Variants in HERC6 observed in about 807,000 individuals in gnomAD.
HERC6 encodes the protein probable E3 ubiquitin-protein ligase HERC6.
In HERC6, 101 loss-of-function variants were observed where a neutral mutation model predicts 114.5. The observed-to-expected ratio is 0.88, with a 90% CI of 0.75 to 1.04. The LOEUF (loss-of-function observed/expected upper bound fraction) is 1.04, where lower values mean the gene tolerates loss of function less well. Among genes scored for constraint, HERC6 ranks in the 50% least tolerant of loss-of-function variants. HERC6 has a pLI of 0.00. For synonymous variants in HERC6, 408 were observed against 436.2 expected, an observed-to-expected ratio of 0.94 and a Z score of 0.81; for missense variants, 1,133 against 1,230.9, an observed-to-expected ratio of 0.92 and a Z score of 1.19.
chr4:88,389,530 T>C (rs982056570), intron 3 of HERC6, among the ~76,000 whole-genome samples: 6 of 151,934 alleles, frequency 3.9e-5, no homozygotes, highest in Non-Finnish European at 7.4e-5. Flanking sequence ...AGTTTTGAAT[T>C]TTCTGGGTCA....
chr4:88,428,151 C>A lies in HERC6; in HGVS notation c.1936-429C>A, dbSNP rs757442101. ...AAGTCTGTCTTCTGTCTTTTTCCTA[C>A]AGCTCACATTATCCCTGAGCTCTTA... On this transcript the variant is annotated intron_variant, in intron 15 of 22. Coordinates refer to ENST00000264346, the MANE Select transcript of HERC6 (RefSeq NM_017912.4). Among the ~76,000 whole-genome samples, 45 of 152,198 alleles carry A rather than the reference C, an allele frequency of 3.0e-4. 1 individual carries two copies. The highest frequency in any genetic ancestry group is 2.0e-4 in the Admixed American group (3 of 15,276).
intron 20 of HERC6, among the ~76,000 whole-genome samples, chr4:88,438,244 A>C (rs1445362593): frequency 6.6e-6 from 1 of 152,130 alleles, no homozygotes; most frequent in Non-Finnish European, 1.5e-5. Flanking sequence ...TCAGGGTTCA[A>C]TATTTCCTTT....
intron 20 of HERC6, among the ~76,000 whole-genome samples, chr4:88,438,290 T>C (rs1316723229): frequency 6.6e-6 from 1 of 152,188 alleles, no homozygotes; most frequent in Non-Finnish European, 1.5e-5. Flanking sequence ...TTAGCAAATA[T>C]TTTTGAGCCC....
chr4:88,390,741 A>T lies in HERC6; in HGVS notation c.526A>T (p.Arg176Trp), dbSNP rs745696393. Residue 176 changes from arginine (R) to tryptophan (W), a missense_variant, in exon 4 of 23, where the codon AGG (arginine) becomes TGG (tryptophan). By Grantham distance (101) the Arg-to-Trp change is moderately radical. Around this residue, in one of 3 missense-constraint regions of HERC6, gnomAD observed 735 missense variants for 754.0 expected, o/e 0.97. Transcript: ENST00000264346. Reference sequence around the variant, plus strand: ...CTCCCAAGCCAGCCCGCAGAGGGTGAGGTCCCTGGAGGGGATCCCACTGGC... The same window carrying T: ...CTCCCAAGCCAGCCCGCAGAGGGTGTGGTCCCTGGAGGGGATCCCACTGGC... ...FPSQASPQRV[R>W]SLEGIPLAQV... The T allele has an allele frequency of 4.3e-6, 7 of 1,614,116 alleles. No homozygotes were observed. Among genetic ancestry groups the T allele is most frequent in the Non-Finnish European group, 5.9e-6 (7 of 1,180,004 alleles).
chr4:88,382,736 C>A (rs1286419069), intron 1 of HERC6, among the ~76,000 whole-genome samples: 1 of 152,122 alleles, frequency 6.6e-6, no homozygotes, highest in African/African-American at 2.4e-5. Context: ...AAGGAGATGC[C>A]AGGGGGAACC....
intron 10 of HERC6, among the ~76,000 whole-genome samples, chr4:88,407,704 G>A (rs750060882): frequency 2.6e-5 from 4 of 152,172 alleles, no homozygotes; most frequent in South Asian, 4.1e-4. Flanking sequence ...ACCCACTGCC[G>A]CTGGCATACA....
chr4:88,438,534 G>A (rs183653829), intron 20 of HERC6, among the ~76,000 whole-genome samples: 33 of 152,146 alleles, frequency 2.2e-4, no homozygotes, highest in South Asian at 1.2e-3. Context: ...GTGAGCCACC[G>A]CACCTGGCCA....
At chr4:88,388,549 CAAAA>C (rs76168315) in intron 3 of HERC6, among the ~76,000 whole-genome samples, 11,896 of 92,434 alleles carry the variant, frequency 0.13, 994 homozygotes, top group African/African-American at 0.27. Context: ...AGACTCGTCT[CAAAA>C]AAAAAAAAAA....
At chr4:88,410,224 A>T (rs1242663651) in intron 11 of HERC6, among the ~76,000 whole-genome samples, 1 of 152,204 alleles carries the variant, frequency 6.6e-6, no homozygotes, top group East Asian at 1.9e-4. Flanking sequence ...ACATCAATCC[A>T]CATATATAAG....
rs1223697608 is a variant in HERC6 at position 88,390,885 on chromosome 4, G to A, written c.664+6G>A. ...CAGTGGGCGTAATGTCCCAGGTAAGGAGATAGTCTTGTTTGTGCAGTAAAT... is the reference window on the plus strand; with the variant it reads ...CAGTGGGCGTAATGTCCCAGGTAAGAAGATAGTCTTGTTTGTGCAGTAAAT... On this transcript the variant is annotated splice_donor_region_variant and intron_variant, in intron 4 of 22. Coordinates refer to ENST00000264346, the MANE Select transcript of HERC6 (RefSeq NM_017912.4). The A allele has an allele frequency of 1.9e-6, 3 of 1,605,238 alleles. No individual in the cohort carries two copies. The highest frequency in any genetic ancestry group is 4.5e-5 in the East Asian group (2 of 44,724).
chr4:88,395,970 C>T, intron 5 of HERC6, 45 bp from the exon 6 acceptor site: 1 of 1,528,758 alleles, frequency 6.5e-7, no homozygotes, highest in African/African-American at 1.4e-5. Flanking sequence ...CTTTTAGTTA[C>T]CTTGTTAAAC....
At chr4:88,383,710 G>T (rs561440383) in intron 2 of HERC6, among the ~76,000 whole-genome samples, 40 of 143,218 alleles carry the variant, frequency 2.8e-4, no homozygotes, top group African/African-American at 1.0e-3. Context: ...TTGCAGTGGT[G>T]CTGGGACAGC....
intron 13 of HERC6, among the ~76,000 whole-genome samples, chr4:88,421,242 G>A (rs989444215): frequency 5.3e-5 from 8 of 151,956 alleles, no homozygotes; most frequent in African/African-American, 1.7e-4. Flanking sequence ...GAATAATGCC[G>A]CTATTTAAAT....
At chr4:88,388,160 C>T (rs541359021) in intron 3 of HERC6, among the ~76,000 whole-genome samples, 3 of 151,984 alleles carry the variant, frequency 2.0e-5, no homozygotes, top group South Asian at 2.1e-4. Context: ...TGGCTGGGTG[C>T]GGTGGCTCAC....
At chr4:88,439,806 A>G (rs1168196223) in intron 20 of HERC6, 68 bp from the exon 21 acceptor site, 16 of 1,331,930 alleles carry the variant, frequency 1.2e-5, no homozygotes, top group Admixed American at 3.2e-5. Context: ...AGAACAAAGT[A>G]TAAAATCTTT....
chr4:88,433,426 T>G (rs1432305861), intron 17 of HERC6, among the ~76,000 whole-genome samples: 1 of 152,192 alleles, frequency 6.6e-6, no homozygotes, highest in African/African-American at 2.4e-5. Flanking sequence ...CTTGAAAAGG[T>G]GTCCTTTAGA....
chr4:88,431,913 A>T (rs1738257508), intron 17 of HERC6, among the ~76,000 whole-genome samples: 1 of 152,206 alleles, frequency 6.6e-6, no homozygotes, highest in Admixed American at 6.5e-5. Flanking sequence ...TATCTCTAGG[A>T]TTCTATCAGT....
rs747238138 is a variant in HERC6 at position 88,396,072 on chromosome 4, A to G, written c.817A>G (p.Thr273Ala). The G allele has an allele frequency of 3.7e-6, 6 of 1,608,758 alleles. No individual in the cohort carries two copies. The highest frequency in any genetic ancestry group is 1.7e-4 in the Middle Eastern group (1 of 6,048). Residue 273 changes from threonine to alanine, a missense_variant, in exon 6 of 23, where the codon ACT (threonine) becomes GCT (alanine). By Grantham distance (58) the Thr-to-Ala change is moderately conservative. Transcript: ENST00000264346. ...NRSGQLGYSP[T>A]PEKRGPQLVE... ...CTCTGGACAGCTGGGATACAGCCCCACTCCTGAGAAGAGAGGTCCACAACT... is the reference window on the plus strand; with the variant it reads ...CTCTGGACAGCTGGGATACAGCCCCGCTCCTGAGAAGAGAGGTCCACAACT...
intron 5 of HERC6, among the ~76,000 whole-genome samples, chr4:88,394,376 G>A (rs949209848): frequency 2.0e-5 from 3 of 149,054 alleles, no homozygotes; most frequent in African/African-American, 7.4e-5. Context: ...GGGAGGCTGA[G>A]GCAGGAGAAT....
Sources: allele counts gnomAD v4.1 joint callset (sites outside exome capture counted in the v4.1 genomes callset), GRCh38; gene constraint gnomAD v4.1.1; regional missense constraint gnomAD v4.1.1; transcripts MANE v1.5; gene names NCBI Gene and HGNC (gene_info 2026-07-23, HGNC 2026-07-21).